DNM3: variants seen among roughly 807,000 people sequenced by gnomAD.
DNM3 encodes dynamin-3.
In DNM3, 47 loss-of-function variants were observed where a neutral mutation model predicts 101.6. The observed-to-expected ratio is 0.46, with a 90% CI of 0.37 to 0.59. The LOEUF (loss-of-function observed/expected upper bound fraction) is 0.59, where lower values mean the gene tolerates loss of function less well. DNM3 is among the 20% of genes least tolerant of loss of function. The pLI is 0.00. For missense variants in DNM3, 849 were observed against 1,085.7 expected (o/e 0.78, Z 3.06); for synonymous variants, 385 against 387.9 (o/e 0.99, Z 0.09).
intron 3 of DNM3, among the ~76,000 whole-genome samples, chr1:171,988,555 T>C (rs2125619600): frequency 6.6e-6 from 1 of 152,242 alleles, no homozygotes; most frequent in Non-Finnish European, 1.5e-5. Flanking sequence ...AAATGATACT[T>C]TTTAAGGAAA....
chr1:171,953,752 A>G (rs892714322), intron 2 of DNM3, among the ~76,000 whole-genome samples: 1 of 151,992 alleles, frequency 6.6e-6, no homozygotes, highest in African/African-American at 2.4e-5. Flanking sequence ...ACAATACATC[A>G]TTTTCTGACC....
chr1:171,891,501 A>G (rs564875743), intron 1 of DNM3, among the ~76,000 whole-genome samples: 5 of 152,178 alleles, frequency 3.3e-5, no homozygotes, highest in Admixed American at 2.0e-4. Context: ...TTTTATTCAG[A>G]TTTTTGTTGT....
intron 13 of DNM3, among the ~76,000 whole-genome samples, chr1:172,096,706 T>C (rs1444182133): frequency 6.6e-6 from 1 of 152,168 alleles, no homozygotes; most frequent in East Asian, 1.9e-4. Context: ...AGTAAAAATG[T>C]CCAGTAGGAA....
chr1:172,238,758 G>C (rs2061635816), intron 14 of DNM3, among the ~76,000 whole-genome samples: 2 of 151,794 alleles, frequency 1.3e-5, no homozygotes, highest in Non-Finnish European at 2.9e-5. Context: ...AATAGCAGCT[G>C]ACCCAGGCCA....
At chr1:172,233,421 C>T (rs559225034) in intron 14 of DNM3, among the ~76,000 whole-genome samples, 7 of 152,208 alleles carry the variant, frequency 4.6e-5, no homozygotes, top group African/African-American at 1.7e-4. Context: ...CAAAAAAAGT[C>T]CAGGACCAGA....
chr1:172,274,960 T>C (rs1358341271), intron 15 of DNM3, among the ~76,000 whole-genome samples: 1 of 152,040 alleles, frequency 6.6e-6, no homozygotes, highest in Non-Finnish European at 1.5e-5. Context: ...TGTATTTTTG[T>C]CATTATACAC....
At chr1:172,371,992 G>A (rs1263194668) in intron 17 of DNM3, among the ~76,000 whole-genome samples, 1 of 147,332 alleles carries the variant, frequency 6.8e-6, no homozygotes, top group Non-Finnish European at 1.5e-5. Flanking sequence ...GTATACATGT[G>A]CCATGCTGGT....
At chr1:172,254,998 G>A (rs2062341574) in intron 15 of DNM3, among the ~76,000 whole-genome samples, 1 of 152,054 alleles carries the variant, frequency 6.6e-6, no homozygotes, top group Non-Finnish European at 1.5e-5. Context: ...TACTTGATTA[G>A]GTTCAATGAC....
intron 14 of DNM3, among the ~76,000 whole-genome samples, chr1:172,207,819 A>G (rs193096426): frequency 4.7e-4 from 72 of 152,206 alleles, no homozygotes; most frequent in Middle Eastern, 3.4e-3. Flanking sequence ...CTAGAATTTA[A>G]AAAATCACCT....
chr1:172,253,477 G>T, intron 14 of DNM3, 96 bp from the exon 15 acceptor site: 1 of 874,106 alleles, frequency 1.1e-6, no homozygotes, highest in Admixed American at 2.7e-5. Flanking sequence ...TTTTATTAAA[G>T]TCAATTTTCT....
At chr1:172,301,778 G>C (rs1192340622) in intron 15 of DNM3, among the ~76,000 whole-genome samples, 1 of 152,072 alleles carries the variant, frequency 6.6e-6, no homozygotes, top group Admixed American at 6.6e-5. Flanking sequence ...TGATATAACA[G>C]TAAGTGAAAA....
intron 15 of DNM3, among the ~76,000 whole-genome samples, chr1:172,281,644 T>C (rs1219595212): frequency 6.6e-6 from 1 of 152,204 alleles, no homozygotes; most frequent in Non-Finnish European, 1.5e-5. Flanking sequence ...CTTTTTAAAA[T>C]ATACCAATGA....
At chr1:172,300,961 A>G (rs2256170) in intron 15 of DNM3, among the ~76,000 whole-genome samples, 148,929 of 152,302 alleles carry the variant, frequency 0.98, 72,826 homozygotes, top group East Asian at 1. Context: ...TCACATCAAG[A>G]TTCCTTGGCA....
Position 172,402,848 on chromosome 1 carries a change from T to C in DNM3, c.2523-4924T>C, listed in dbSNP as rs371389470. 1.1e-3 allele frequency among the ~76,000 whole-genome samples: 160 copies of C among 152,330 alleles called. 1 individual carries two copies. Among genetic ancestry groups the C allele is most frequent in the African/African-American group, 3.5e-3 (147 of 41,586 alleles). ...AAGCATTTCTTCATCCTTCTTAAGA[T>C]TTCCAGCACTTTCTCTTTTTGTTTT... is the stretch of plus-strand genomic sequence containing the variant. On this transcript the variant is annotated intron_variant, in intron 20 of 20. Transcript: ENST00000627582.
At chr1:171,935,215 T>A (rs1349176271) in intron 2 of DNM3, among the ~76,000 whole-genome samples, 1 of 152,148 alleles carries the variant, frequency 6.6e-6, no homozygotes, top group Non-Finnish European at 1.5e-5. Context: ...TCCAACACAA[T>A]GCCTATTTAG....
chr1:172,252,815 C>T (rs372619406), intron 14 of DNM3, among the ~76,000 whole-genome samples: 5 of 152,010 alleles, frequency 3.3e-5, no homozygotes, highest in East Asian at 1.9e-4. Flanking sequence ...CTAATTTGGT[C>T]GCATTTGCAG....
chr1:172,270,004 A>C (rs2063020472), intron 15 of DNM3, among the ~76,000 whole-genome samples: 1 of 152,170 alleles, frequency 6.6e-6, no homozygotes. Context: ...GGCATGTTTT[A>C]TTGACTATTG....
In DNM3 at chr1:172,411,434, T is replaced by C; in HGVS notation, c.*3593T>C. On this transcript the variant is annotated 3_prime_UTR_variant, in exon 21 of 21. Transcript: ENST00000627582. ...AAGAAGTAAAACCTCTGGAGACCTA[T>C]CTTTAAGATCTCTAATTGGAATTAT... 1 of 984,788 alleles carries C rather than the reference T, an allele frequency of 1.0e-6. No homozygotes were observed. Among genetic ancestry groups the C allele is most frequent in the South Asian group, 4.7e-5 (1 of 21,274 alleles). 61.0% of individuals were successfully genotyped at this position (984,788 alleles called of 1,614,324 possible). A position where few individuals can be genotyped will look rare whatever the true frequency, so the allele number is the denominator to read the frequency against.
At position 171,934,756 on chromosome 1, in the gene DNM3, T is replaced by C. The variant is rs542901517; in HGVS notation, c.235+12935T>C. ...AACCATGTGGATACTGAGTGTCCAATGCAGTGACTTTGTCATAACCCTAGA... is the reference window on the plus strand; with the variant it reads ...AACCATGTGGATACTGAGTGTCCAACGCAGTGACTTTGTCATAACCCTAGA... On this transcript the variant is annotated intron_variant, in intron 2 of 20. Transcript: ENST00000627582. Among the ~76,000 whole-genome samples, 34 of 152,330 alleles carry C rather than the reference T, an allele frequency of 2.2e-4. No homozygotes were observed. The South Asian group carries it at 7.0e-3, about 32-fold the overall frequency.
Sources: allele counts gnomAD v4.1 joint callset (sites outside exome capture counted in the v4.1 genomes callset), GRCh38; gene constraint gnomAD v4.1.1; transcripts MANE v1.5; gene names NCBI Gene and HGNC (gene_info 2026-07-23, HGNC 2026-07-21).